NRG1: variants seen among roughly 807,000 people sequenced by gnomAD.
The protein encoded by NRG1 is pro-neuregulin-1, membrane-bound isoform.
NRG1 carries 18 observed loss-of-function variants against 63.8 expected under a neutral mutation model. The observed-to-expected ratio is 0.28, with a 90% CI of 0.19 to 0.42. NRG1 has a LOEUF of 0.42. Among genes scored for constraint, NRG1 ranks in the 10% least tolerant of loss-of-function variants. The pLI is 1.00. For synonymous variants in NRG1, 302 were observed against 301.3 expected, an observed-to-expected ratio of 1.00 and a Z score of -0.02; for missense variants, 762 against 814.7, an observed-to-expected ratio of 0.94 and a Z score of 0.79.
At chr8:32,390,676 C>A (rs1309998843) in intron 1 of NRG1, among the ~76,000 whole-genome samples, 1 of 151,596 alleles carries the variant, frequency 6.6e-6, no homozygotes, top group South Asian at 2.1e-4. Flanking sequence ...AGACTAGACA[C>A]CCTCTTATCT....
intron 1 of NRG1, among the ~76,000 whole-genome samples, chr8:31,965,915 GA>G (rs1383924937): frequency 2.6e-5 from 4 of 152,070 alleles, no homozygotes; most frequent in Non-Finnish European, 5.9e-5. Flanking sequence ...GCTAAACAAT[GA>G]GCACATATGC....
chr8:32,239,849 CAAT>C (rs1438747891), intron 1 of NRG1, among the ~76,000 whole-genome samples: 1 of 152,026 alleles, frequency 6.6e-6, no homozygotes, highest in African/African-American at 2.4e-5. Context: ...CAAATTAAAA[CAAT>C]GAGATAGCAC....
At chr8:32,658,083 G>A (rs1335758377) in intron 5 of NRG1, among the ~76,000 whole-genome samples, 1 of 152,092 alleles carries the variant, frequency 6.6e-6, no homozygotes, top group African/African-American at 2.4e-5. Context: ...AGTAACTTTA[G>A]TCTTGCATGA....
chr8:32,069,287 A>G (rs1356758589), intron 1 of NRG1, among the ~76,000 whole-genome samples: 5 of 152,228 alleles, frequency 3.3e-5, no homozygotes, highest in Non-Finnish European at 7.3e-5. Context: ...AGGGAGAGGT[A>G]AAATCCAAGT....
intron 5 of NRG1, among the ~76,000 whole-genome samples, chr8:32,639,959 A>T (rs528134743): frequency 1.1e-3 from 174 of 152,348 alleles, no homozygotes; most frequent in African/African-American, 3.8e-3. Flanking sequence ...ATTAAATAAG[A>T]TTGCACATTG....
chr8:31,675,556 A>G (rs905166511), intron 1 of NRG1, among the ~76,000 whole-genome samples: 1 of 152,142 alleles, frequency 6.6e-6, no homozygotes, highest in Non-Finnish European at 1.5e-5. Flanking sequence ...TATCAAGTCC[A>G]ATTTGCAAGA....
At chr8:32,313,462 T>C (rs1424571950) in intron 1 of NRG1, among the ~76,000 whole-genome samples, 1 of 152,128 alleles carries the variant, frequency 6.6e-6, no homozygotes, top group Non-Finnish European at 1.5e-5. Context: ...CGAAGTGTCT[T>C]AATCTTTTGA....
intron 1 of NRG1, chr8:32,191,905 T>C (rs1842528037): frequency 6.6e-6 from 1 of 152,198 alleles, no homozygotes; most frequent in Admixed American, 6.5e-5. Context: ...TACAACACAA[T>C]CAGATCTTCC....
At chr8:32,640,245 TCA>T (rs111977984) in intron 5 of NRG1, among the ~76,000 whole-genome samples, 2,251 of 147,390 alleles carry the variant, frequency 0.015, 42 homozygotes, top group African/African-American at 0.044. Flanking sequence ...CTTCTTTTTG[TCA>T]CACACACACA....
In NRG1 at chr8:32,730,363, G is replaced by T. The variant is rs545911834; in HGVS notation, c.632+2285G>T. Among the ~76,000 whole-genome samples the T allele has an allele frequency of 3.9e-5, 6 of 152,168 alleles. No homozygotes were observed. The South Asian group carries it at 1.2e-3, about 32-fold the overall frequency. On this transcript the variant is annotated intron_variant, in intron 6 of 11. Transcript: ENST00000356819. ...AACTATTCGGGAGGCTAAGGTGGGGGGATCACTTGAGCCCGGAAGGTTGAG... is the reference window on the plus strand; with the variant it reads ...AACTATTCGGGAGGCTAAGGTGGGGTGATCACTTGAGCCCGGAAGGTTGAG...
At chr8:32,160,140 C>T (rs557641016) in intron 1 of NRG1, among the ~76,000 whole-genome samples, 2 of 152,156 alleles carry the variant, frequency 1.3e-5, no homozygotes, top group Admixed American at 6.5e-5. Context: ...ATTCAGATCC[C>T]GAGTGCAGGT....
chr8:32,211,610 G>T (rs1844707647), intron 1 of NRG1, among the ~76,000 whole-genome samples: 1 of 152,102 alleles, frequency 6.6e-6, no homozygotes, highest in Admixed American at 6.6e-5. Flanking sequence ...GTGAATTATG[G>T]CATCTTGCTT....
intron 1 of NRG1, among the ~76,000 whole-genome samples, chr8:32,152,259 G>A (rs1280214324): frequency 6.6e-6 from 1 of 152,232 alleles, no homozygotes; most frequent in East Asian, 1.9e-4. Flanking sequence ...CTGTAGAGCT[G>A]TAGAGAACAC....
chr8:32,503,829 A>G (rs1387201245), intron 1 of NRG1, among the ~76,000 whole-genome samples: 1 of 152,156 alleles, frequency 6.6e-6, no homozygotes, highest in Non-Finnish European at 1.5e-5. Context: ...AAGATGGCCA[A>G]GCAGGCGACT....
chr8:32,325,145 TAAG>T (rs1801841744), intron 1 of NRG1, among the ~76,000 whole-genome samples: 1 of 152,196 alleles, frequency 6.6e-6, no homozygotes, highest in African/African-American at 2.4e-5. Context: ...ATTCAACACT[TAAG>T]GAGGAGGCAT....
At chr8:32,393,905 A>G in intron 1 of NRG1, among the ~76,000 whole-genome samples, 1 of 152,288 alleles carries the variant, frequency 6.6e-6, no homozygotes, top group Middle Eastern at 3.4e-3. Context: ...ATAAATAAAT[A>G]AACTTGGTCT....
chr8:31,811,164 G>A (rs1822848145), intron 1 of NRG1, among the ~76,000 whole-genome samples: 1 of 152,174 alleles, frequency 6.6e-6, no homozygotes, highest in Non-Finnish European at 1.5e-5. Flanking sequence ...TAGACCAGCT[G>A]TTCACACCAT....
chr8:31,893,066 C>G (rs1409618089), intron 1 of NRG1, among the ~76,000 whole-genome samples: 1 of 151,280 alleles, frequency 6.6e-6, no homozygotes, highest in Non-Finnish European at 1.5e-5. Flanking sequence ...AGTATAAAAG[C>G]CCAGAAAGAG....
At chr8:32,255,216 G>A (rs1849559848) in intron 1 of NRG1, among the ~76,000 whole-genome samples, 1 of 152,126 alleles carries the variant, frequency 6.6e-6, no homozygotes, top group Non-Finnish European at 1.5e-5. Context: ...TGTTATATGT[G>A]AATTTGATCC....
Sources: allele counts gnomAD v4.1 joint callset (sites outside exome capture counted in the v4.1 genomes callset), GRCh38; gene constraint gnomAD v4.1.1; transcripts MANE v1.5; gene names NCBI Gene and HGNC (gene_info 2026-07-23, HGNC 2026-07-21).